TMEM117: variants seen among roughly 807,000 people sequenced by gnomAD.
TMEM117 encodes transmembrane protein 117.
TMEM117 carries 27 observed loss-of-function variants against 52.4 expected under a neutral mutation model. That is an observed-to-expected ratio of 0.51 (90% CI 0.38 to 0.71). TMEM117 has a LOEUF of 0.71. Among genes scored for constraint, TMEM117 ranks in the 30% least tolerant of loss-of-function variants. TMEM117 has a pLI of 0.00. For missense variants in TMEM117, 556 were observed against 630.5 expected, an observed-to-expected ratio of 0.88 and a Z score of 1.26; for synonymous variants, 215 against 206.3, an observed-to-expected ratio of 1.04 and a Z score of -0.36.
chr12:44,141,294 G>A (rs1447949036), intron 3 of TMEM117, among the ~76,000 whole-genome samples: 3 of 151,996 alleles, frequency 2.0e-5, no homozygotes, highest in African/African-American at 7.2e-5. Context: ...AGATAATCTC[G>A]TGTCATGGGG....
At chr12:44,151,198 T>C (rs1351649298) in intron 4 of TMEM117, among the ~76,000 whole-genome samples, 3 of 152,114 alleles carry the variant, frequency 2.0e-5, no homozygotes, top group Non-Finnish European at 4.4e-5. Context: ...ATCTTTTTCA[T>C]CCCCAACTTA....
the TMEM117 span, among the ~76,000 whole-genome samples, chr12:43,816,270 T>G: frequency 1.3e-5 from 2 of 152,150 alleles, no homozygotes; most frequent in African/African-American, 4.8e-5. Context: ...CTTCATTTCT[T>G]TCCACACCAC....
intron 5 of TMEM117, among the ~76,000 whole-genome samples, chr12:44,219,634 A>G (rs945251315): frequency 2.0e-5 from 3 of 152,096 alleles, no homozygotes; most frequent in African/African-American, 4.8e-5. Context: ...ACATATTTGC[A>G]AGGTTGAAAT....
At chr12:44,317,216 C>T (rs1951067047) in intron 6 of TMEM117, among the ~76,000 whole-genome samples, 1 of 150,296 alleles carries the variant, frequency 6.7e-6, no homozygotes, top group African/African-American at 2.4e-5. Context: ...TCTGGAGACA[C>T]TGGCACTTCT....
At chr12:43,829,373 T>C in the TMEM117 span, among the ~76,000 whole-genome samples, 6 of 152,318 alleles carry the variant, frequency 3.9e-5, no homozygotes, top group African/African-American at 1.2e-4. Flanking sequence ...CCTAAGGAAA[T>C]AGACACAATG....
At chr12:44,209,365 C>A (rs186088899) in intron 4 of TMEM117, among the ~76,000 whole-genome samples, 1 of 151,944 alleles carries the variant, frequency 6.6e-6, no homozygotes, top group African/African-American at 2.4e-5. Context: ...AAATACAATC[C>A]ATGGGCATTA....
chr12:44,274,713 CTCTT>C (rs1471500191), intron 5 of TMEM117, among the ~76,000 whole-genome samples: 2 of 152,030 alleles, frequency 1.3e-5, no homozygotes, highest in African/African-American at 4.8e-5. Flanking sequence ...AAAAGATAGT[CTCTT>C]CAATACATGG....
intron 2 of TMEM117, among the ~76,000 whole-genome samples, chr12:43,862,680 G>A (rs1299412778): frequency 6.6e-6 from 1 of 152,226 alleles, no homozygotes; most frequent in Non-Finnish European, 1.5e-5. Flanking sequence ...CTGGGGTGGA[G>A]TGCAGAGGAT....
At chr12:43,989,294 T>C (rs1038122120) in intron 3 of TMEM117, among the ~76,000 whole-genome samples, 1 of 152,122 alleles carries the variant, frequency 6.6e-6, no homozygotes, top group South Asian at 2.1e-4. Flanking sequence ...ATTCATTGCT[T>C]TCTAGTCACT....
chr12:44,145,922 G>A (rs1948636439), intron 4 of TMEM117, among the ~76,000 whole-genome samples: 1 of 152,108 alleles, frequency 6.6e-6, no homozygotes, highest in Non-Finnish European at 1.5e-5. Flanking sequence ...TGGCAACATT[G>A]TTTGTTTCTA....
intron 2 of TMEM117, among the ~76,000 whole-genome samples, chr12:43,913,335 A>G (rs1306804908): frequency 6.6e-6 from 1 of 152,192 alleles, no homozygotes; most frequent in East Asian, 1.9e-4. Context: ...ACATTGCTTG[A>G]AACAATGTCT....
At chr12:44,259,976 T>C (rs914993594) in intron 5 of TMEM117, among the ~76,000 whole-genome samples, 1 of 152,148 alleles carries the variant, frequency 6.6e-6, no homozygotes, top group Non-Finnish European at 1.5e-5. Flanking sequence ...TTATATGATA[T>C]CTGAGAACAT....
At chr12:43,944,180 C>T (rs771974194) in intron 2 of TMEM117, 30 bp from the exon 3 acceptor site, 1 of 1,583,720 alleles carries the variant, frequency 6.3e-7, no homozygotes, top group South Asian at 1.1e-5. Context: ...TTACAGTGTA[C>T]ATTAATTTTT....
intron 2 of TMEM117, among the ~76,000 whole-genome samples, chr12:43,894,928 A>C (rs1206493354): frequency 6.6e-6 from 1 of 152,212 alleles, no homozygotes; most frequent in Non-Finnish European, 1.5e-5. Context: ...TCAGTTGAAC[A>C]CATAATTATT....
chr12:44,292,336 C>T (rs1374864426), intron 5 of TMEM117, among the ~76,000 whole-genome samples: 4 of 151,426 alleles, frequency 2.6e-5, no homozygotes, highest in African/African-American at 4.8e-5. Context: ...TTATTTGAGT[C>T]CCTTCTTTTT....
chr12:44,294,011 C>G (rs1644008), intron 5 of TMEM117, among the ~76,000 whole-genome samples: 10,410 of 152,152 alleles, frequency 0.068, 566 homozygotes, highest in African/African-American at 0.15. Flanking sequence ...ATTCCCTTAG[C>G]CTTAGCTTCT....
intron 2 of TMEM117, among the ~76,000 whole-genome samples, chr12:43,875,268 C>T (rs1339250532): frequency 6.6e-6 from 1 of 150,876 alleles, no homozygotes; most frequent in African/African-American, 2.4e-5. Context: ...GAGTCAGAAT[C>T]GGGTAGGGCA....
At position 44,216,293 on chromosome 12, in the gene TMEM117, A is replaced by T. The variant is rs144234934; in HGVS notation, c.608+4906A>T. Among the ~76,000 whole-genome samples, 355 of 152,222 alleles carry T rather than the reference A, an allele frequency of 2.3e-3. 11 individuals carry two copies. In the East Asian group the frequency reaches 0.035, roughly 15 times the overall value. On this transcript the variant is annotated intron_variant, in intron 5 of 7. Coordinates refer to ENST00000266534, the MANE Select transcript of TMEM117 (RefSeq NM_032256.3). ...AATTCTGGGATTACAGGCATGAGCC[A>T]CCACTCTCAGCCAAAAGGAGCTCTC...
Position 44,064,045 on chromosome 12 carries a change from T to C in TMEM117, c.411-79480T>C, listed in dbSNP as rs377537337. Among the ~76,000 whole-genome samples, 7 of 152,174 alleles carry C rather than the reference T, an allele frequency of 4.6e-5. No homozygotes were observed. In the East Asian group the frequency reaches 1.4e-3, roughly 30 times the overall value. ...GAATTTATGGGCCTCCTGGGGGGTC[T>C]CCTTGAAGGGATTACTGAGAACCAA... On this transcript the variant is annotated intron_variant, in intron 3 of 7. Transcript: ENST00000266534.
Sources: allele counts gnomAD v4.1 joint callset (sites outside exome capture counted in the v4.1 genomes callset), GRCh38; gene constraint gnomAD v4.1.1; transcripts MANE v1.5; gene names NCBI Gene and HGNC (gene_info 2026-07-23, HGNC 2026-07-21).